TENM3: variants seen among roughly 807,000 people sequenced by gnomAD.
The protein encoded by TENM3 is teneurin transmembrane protein 3, also known as teneurin-3.
A neutral mutation model predicts 255.1 loss-of-function variants in TENM3; 63 were observed. That is an observed-to-expected ratio of 0.25 (90% confidence interval 0.20 to 0.30). The LOEUF is 0.30. TENM3 is among the 10% of genes least tolerant of loss of function. TENM3 has a pLI of 1.00. For missense variants in TENM3, 2,929 were observed against 3,461.1 expected (o/e 0.85, Z 3.86); for synonymous variants, 1,306 against 1,322.3 (o/e 0.99, Z 0.27).
the TENM3 span, among the ~76,000 whole-genome samples, chr4:181,492,259 A>G: frequency 6.6e-6 from 1 of 152,206 alleles, no homozygotes; most frequent in East Asian, 1.9e-4. Flanking sequence ...GCTTGTACAC[A>G]TTTTGAGAAA....
chr4:182,121,217 C>T, the TENM3 span, among the ~76,000 whole-genome samples: 2 of 151,956 alleles, frequency 1.3e-5, no homozygotes, highest in African/African-American at 2.4e-5. Context: ...AGGCTGGTCT[C>T]GAACTACTGA....
chr4:181,711,266 T>C, the TENM3 span, among the ~76,000 whole-genome samples: 2 of 152,090 alleles, frequency 1.3e-5, no homozygotes, highest in African/African-American at 4.8e-5. Context: ...AAGGGGAAAA[T>C]ACTAAAAATA....
chr4:181,676,112 G>A, the TENM3 span, among the ~76,000 whole-genome samples: 3 of 151,972 alleles, frequency 2.0e-5, no homozygotes, highest in African/African-American at 7.3e-5. Context: ...TAATTTAATT[G>A]ACAGACACCA....
chr4:181,741,649 T>C, the TENM3 span, among the ~76,000 whole-genome samples: 3 of 152,186 alleles, frequency 2.0e-5, no homozygotes, highest in Non-Finnish European at 2.9e-5. Flanking sequence ...TTGTACGTGT[T>C]GGATGATCAG....
At chr4:181,586,780 C>T in the TENM3 span, among the ~76,000 whole-genome samples, 9 of 152,056 alleles carry the variant, frequency 5.9e-5, no homozygotes, top group East Asian at 1.9e-4. Context: ...GCAGAGGTTG[C>T]GGTGAGCTGA....
At chr4:182,449,004 A>G (rs1773196056) in intron 3 of TENM3, 2 of 400,254 alleles carry the variant, frequency 5.0e-6, no homozygotes, top group Non-Finnish European at 1.0e-5. Context: ...GCGCTGTAAC[A>G]CGATACGCTC....
chr4:181,605,519 AAAG>A, the TENM3 span, among the ~76,000 whole-genome samples: 4 of 22,586 alleles, frequency 1.8e-4, no homozygotes, highest in Non-Finnish European at 4.7e-4. Flanking sequence ...AGAAAGAAAG[AAAG>A]AAAGAAAGAA....
the TENM3 span, among the ~76,000 whole-genome samples, chr4:182,038,070 T>C: frequency 7.2e-5 from 11 of 152,168 alleles, no homozygotes; most frequent in East Asian, 7.7e-4. Flanking sequence ...CTTCGCGTGA[T>C]TTTGCTCAAG....
chr4:182,432,865 T>TGTGTGTGTGTGTGTGTGTG (rs1554066043), intron 3 of TENM3, among the ~76,000 whole-genome samples: 14 of 151,472 alleles, frequency 9.2e-5, no homozygotes, highest in Middle Eastern at 3.4e-3. Flanking sequence ...TGTGTGTGTG[T>TGTGTGTGTGTGTGTGTGTG]TTTAGTAGAG....
intron 3 of TENM3, among the ~76,000 whole-genome samples, chr4:182,389,716 C>A (rs1189671504): frequency 2.9e-5 from 3 of 103,294 alleles, no homozygotes; most frequent in Non-Finnish European, 5.9e-5. Context: ...GACGGAGTCT[C>A]GCTCTGTCGC....
the TENM3 span, among the ~76,000 whole-genome samples, chr4:182,005,885 T>C: frequency 6.6e-6 from 1 of 152,104 alleles, no homozygotes; most frequent in African/African-American, 2.4e-5. Context: ...ATTGGTGGTG[T>C]AAAGGAATGC....
chr4:182,510,330 T>G (rs1427782779), intron 3 of TENM3, among the ~76,000 whole-genome samples: 5 of 152,198 alleles, frequency 3.3e-5, no homozygotes, highest in African/African-American at 4.8e-5. Flanking sequence ...CTAGCTCGCC[T>G]CTAGCCCTCT....
chr4:181,938,327 AACCACATCTCTT>A, the TENM3 span, among the ~76,000 whole-genome samples: 2 of 152,192 alleles, frequency 1.3e-5, no homozygotes. Flanking sequence ...TTCTAATTCT[AACCACATCTCTT>A]ACCAACTGTA....
At chr4:181,927,529 G>T in the TENM3 span, among the ~76,000 whole-genome samples, 7 of 152,226 alleles carry the variant, frequency 4.6e-5, no homozygotes, top group Non-Finnish European at 8.8e-5. Context: ...CCAGTCAGGG[G>T]CTTATAGATA....
chr4:182,417,989 A>G (rs557725843), intron 3 of TENM3, among the ~76,000 whole-genome samples: 1 of 152,006 alleles, frequency 6.6e-6, no homozygotes, highest in South Asian at 2.1e-4. Context: ...AATATCCCTA[A>G]TTTTGAAAAA....
At chr4:182,512,449 C>T (rs1737505147) in intron 3 of TENM3, among the ~76,000 whole-genome samples, 1 of 152,172 alleles carries the variant, frequency 6.6e-6, no homozygotes, top group African/African-American at 2.4e-5. Context: ...CATGTTACAT[C>T]ACTAATATTT....
At chr4:181,741,631 T>C in the TENM3 span, among the ~76,000 whole-genome samples, 1 of 152,206 alleles carries the variant, frequency 6.6e-6, no homozygotes, top group Admixed American at 6.5e-5. Context: ...TATTACTAAC[T>C]TTTTTCTTTG....
chr4:181,548,100 GTTTCCAGCTTCATCCA>G, the TENM3 span, among the ~76,000 whole-genome samples: 1 of 152,102 alleles, frequency 6.6e-6, no homozygotes. Context: ...GAGAATGATA[GTTTCCAGCTTCATCCA>G]TCTCACACCA....
the TENM3 span, among the ~76,000 whole-genome samples, chr4:181,733,662 A>T: frequency 1.3e-5 from 2 of 152,172 alleles, no homozygotes; most frequent in Non-Finnish European, 1.5e-5. Flanking sequence ...TGAGTATCCA[A>T]GTATCTCATG....
Sources: allele counts gnomAD v4.1 joint callset (sites outside exome capture counted in the v4.1 genomes callset), GRCh38; gene constraint gnomAD v4.1.1; transcripts MANE v1.5; gene names NCBI Gene and HGNC (gene_info 2026-07-23, HGNC 2026-07-21).